CSRNP3: variants seen among roughly 807,000 people sequenced by gnomAD.
The protein encoded by CSRNP3 is cysteine/serine-rich nuclear protein 3.
In CSRNP3, 12 loss-of-function variants were observed where a neutral mutation model predicts 48.0. The observed-to-expected ratio is 0.25, with a 90% CI of 0.16 to 0.41. The LOEUF (loss-of-function observed/expected upper bound fraction) is 0.41, where lower values mean the gene tolerates loss of function less well. Among genes scored for constraint, CSRNP3 ranks in the 10% least tolerant of loss-of-function variants. CSRNP3 has a pLI of 1.00. For missense variants in CSRNP3, 580 were observed against 724.4 expected (o/e 0.80, Z 2.29); for synonymous variants, 263 against 269.7 (o/e 0.98, Z 0.24).
intron 5 of CSRNP3, among the ~76,000 whole-genome samples, chr2:165,669,811 C>G (rs1687298796): frequency 6.6e-6 from 1 of 152,040 alleles, no homozygotes; most frequent in African/African-American, 2.4e-5. Flanking sequence ...GCATGCGTGC[C>G]CACTCACACA....
At chr2:165,607,936 G>A (rs1168512624) in intron 4 of CSRNP3, among the ~76,000 whole-genome samples, 1 of 151,436 alleles carries the variant, frequency 6.6e-6, no homozygotes, top group African/African-American at 2.4e-5. Context: ...ATTTGCATCA[G>A]ATTCTAGTAA....
At chr2:165,488,662 A>G (rs1431443321) in intron 1 of CSRNP3, among the ~76,000 whole-genome samples, 6 of 127,968 alleles carry the variant, frequency 4.7e-5, no homozygotes, top group South Asian at 2.9e-4. Flanking sequence ...CCGCTCAACT[A>G]CATGGAAACT....
rs192342639 is a variant in CSRNP3, at chr2:165,492,980, C to T, written c.-282-1779C>T. On this transcript the variant is annotated intron_variant, in intron 1 of 6. Transcript: ENST00000651982. The stretch of plus-strand genomic sequence containing the variant: ...AGTCACTGGTGTTCAGCGTAGAGGC[C>T]GACAGAATATGATGATACGATAAGG... Among the ~76,000 whole-genome samples, 24 of 148,018 alleles carry T rather than the reference C, an allele frequency of 1.6e-4. No individual in the cohort carries two copies. The East Asian group carries it at 4.5e-3, about 28-fold the overall frequency.
chr2:165,636,838 AT>A (rs1192698228), intron 4 of CSRNP3, among the ~76,000 whole-genome samples: 11 of 152,102 alleles, frequency 7.2e-5, no homozygotes, highest in Non-Finnish European at 1.2e-4. Context: ...TCATTTACTA[AT>A]TTTTTTTAAT....
chr2:165,520,458 C>CGG (rs2105234201), intron 3 of CSRNP3, among the ~76,000 whole-genome samples: 1 of 151,994 alleles, frequency 6.6e-6, no homozygotes, highest in South Asian at 2.1e-4. Context: ...GTAGTTGAGT[C>CGG]GTTTTGTTTT....
intron 2 of CSRNP3, among the ~76,000 whole-genome samples, chr2:165,498,336 CT>C (rs906970916): frequency 7.2e-5 from 11 of 151,926 alleles, no homozygotes; most frequent in African/African-American, 2.7e-4. Context: ...AAGGTAAAAC[CT>C]TTGTATATTC....
At position 165,685,528 on chromosome 2, in the gene CSRNP3, T is replaced by A. The variant is rs1355281770; in HGVS notation, c.*5775T>A. The A allele has an allele frequency of 6.6e-6, 1 of 152,114 alleles. No homozygotes were observed. The highest frequency in any genetic ancestry group is 1.9e-4 in the East Asian group (1 of 5,200). The allele number at this position is 152,114 out of a possible 1,614,324, so 9.4% of individuals were successfully genotyped here. On this transcript the variant is annotated 3_prime_UTR_variant, in exon 7 of 7. Coordinates refer to ENST00000651982, the MANE Select transcript of CSRNP3 (RefSeq NM_001172173.2). ...CAATATGTTTCAGTTTACTTTTATA[T>A]GTAGATTTTTTAAATATTCACATCT...
intron 2 of CSRNP3, among the ~76,000 whole-genome samples, chr2:165,511,507 G>A (rs985759832): frequency 1.2e-4 from 19 of 152,142 alleles, no homozygotes; most frequent in African/African-American, 4.6e-4. Context: ...GTTGGCCTTA[G>A]GGAGGAGAAG....
At position 165,679,116 on chromosome 2, in the gene CSRNP3, A is replaced by C. The variant is rs757559011; in HGVS notation, c.1121A>C (p.Glu374Ala). 3.0e-5 allele frequency: 49 copies of C among 1,613,790 alleles called. No individual in the cohort carries two copies. The highest frequency in any genetic ancestry group is 3.6e-5 in the Non-Finnish European group (43 of 1,179,946). The change falls in exon 7 of 7, where the codon GAG becomes GCG. Residue 374 changes from glutamate to alanine, a missense_variant. By Grantham distance (107) the Glu-to-Ala change is moderately radical (BLOSUM62 -1). This residue lies in a region of CSRNP3 where 369 missense variants were observed against 380.8 expected (regional missense o/e 0.97). Coordinates refer to ENST00000651982, the MANE Select transcript of CSRNP3 (RefSeq NM_001172173.2). ...CCTAGTGAGTCAGACGAGGAGGAGG[A>C]GGAAGAAGAAGAGGAAGAGGAGGAG... ...LAPSESDEEE[E>A]EEEEEEEEED...
chr2:165,603,631 G>GTATTT (rs1384284075), intron 4 of CSRNP3, among the ~76,000 whole-genome samples: 1 of 151,762 alleles, frequency 6.6e-6, no homozygotes, highest in Admixed American at 6.6e-5. Context: ...CATTATTTCA[G>GTATTT]TATTTTATTT....
chr2:165,565,749 ATTTC>A (rs1685288878), intron 3 of CSRNP3, among the ~76,000 whole-genome samples: 1 of 152,004 alleles, frequency 6.6e-6, no homozygotes, highest in Non-Finnish European at 1.5e-5. Flanking sequence ...AATCTAATTT[ATTTC>A]TTGTATTTAT....
intron 2 of CSRNP3, among the ~76,000 whole-genome samples, chr2:165,497,403 C>A (rs1684298497): frequency 6.6e-6 from 1 of 151,968 alleles, no homozygotes; most frequent in Admixed American, 6.6e-5. Flanking sequence ...TAATCAGAAC[C>A]ATGACTTGAG....
At chr2:165,660,690 AAAG>A (rs1687081945) in intron 5 of CSRNP3, among the ~76,000 whole-genome samples, 1 of 152,218 alleles carries the variant, frequency 6.6e-6, no homozygotes, top group African/African-American at 2.4e-5. Context: ...CTGAATGAGA[AAAG>A]AAGGAGCCAA....
At chr2:165,579,853 G>A (rs1411392505) in intron 3 of CSRNP3, among the ~76,000 whole-genome samples, 1 of 150,772 alleles carries the variant, frequency 6.6e-6, no homozygotes, top group Non-Finnish European at 1.5e-5. Context: ...AGCATACCTA[G>A]AAGTGCTTTT....
intron 2 of CSRNP3, among the ~76,000 whole-genome samples, chr2:165,496,113 T>C (rs1435106804): frequency 6.6e-6 from 1 of 152,050 alleles, no homozygotes; most frequent in Admixed American, 6.6e-5. Context: ...TAATTCTCCA[T>C]CACTGTTAGA....
At chr2:165,601,630 C>T (rs1685916152) in intron 4 of CSRNP3, among the ~76,000 whole-genome samples, 1 of 152,064 alleles carries the variant, frequency 6.6e-6, no homozygotes, top group African/African-American at 2.4e-5. Context: ...AGCTAAGATA[C>T]AATCTGTTTG....
intron 5 of CSRNP3, among the ~76,000 whole-genome samples, chr2:165,673,851 TC>T (rs1687372466): frequency 6.6e-6 from 1 of 151,936 alleles, no homozygotes; most frequent in African/African-American, 2.4e-5. Context: ...TGAAACCCCA[TC>T]TCTACTAAAA....
chr2:165,568,575 A>G (rs1402363459), intron 3 of CSRNP3, among the ~76,000 whole-genome samples: 2 of 152,114 alleles, frequency 1.3e-5, no homozygotes, highest in Non-Finnish European at 2.9e-5. Context: ...GGCAGCTCAG[A>G]GTTCTTGGAC....
intron 3 of CSRNP3, among the ~76,000 whole-genome samples, chr2:165,530,222 G>T (rs2105243023): frequency 6.6e-6 from 1 of 152,194 alleles, no homozygotes; most frequent in South Asian, 2.1e-4. Context: ...CCCTTTACAA[G>T]GAGCTGCCCC....
Sources: gnomAD v4.1 joint callset for allele counts (sites outside exome capture counted in the v4.1 genomes callset) on GRCh38, gnomAD v4.1.1 for gene constraint, gnomAD v4.1.1 regional missense constraint, MANE v1.5 for transcripts, NCBI Gene and HGNC (gene_info 2026-07-23, HGNC 2026-07-21) for gene names.